FBXW4: variants seen among roughly 807,000 people sequenced by gnomAD.
The protein encoded by FBXW4 is F-box/WD repeat-containing protein 4.
Under a neutral mutation model 61.8 loss-of-function variants are expected in FBXW4, and 40 were observed. That is an observed-to-expected ratio of 0.65 (90% CI 0.50 to 0.84). The LOEUF is 0.84. Ranked by LOEUF, FBXW4 falls within the 40% of genes least tolerant of loss-of-function variation. The probability of loss-of-function intolerance (pLI) is 0.00; values close to 1 mark genes in which losing one functional copy is unlikely to be tolerated. For synonymous variants in FBXW4, 311 were observed against 313.8 expected, an observed-to-expected ratio of 0.99 and a Z score of 0.10; for missense variants, 672 against 753.8, an observed-to-expected ratio of 0.89 and a Z score of 1.27.
intron 1 of FBXW4, among the ~76,000 whole-genome samples, chr10:101,690,728 A>G (rs1405985137): frequency 2.6e-5 from 4 of 152,216 alleles, no homozygotes; most frequent in African/African-American, 9.7e-5. Flanking sequence ...TGTTTCTGAG[A>G]ATCAAGAGGC....
chr10:101,645,260 T>A (rs1218978628), intron 5 of FBXW4, among the ~76,000 whole-genome samples: 1 of 152,178 alleles, frequency 6.6e-6, no homozygotes, highest in African/African-American at 2.4e-5. Flanking sequence ...TGGAACAGCC[T>A]CTTCTTTTTG....
At chr10:101,629,433 AC>A (rs1414706542) in intron 5 of FBXW4, among the ~76,000 whole-genome samples, 3 of 151,948 alleles carry the variant, frequency 2.0e-5, no homozygotes, top group African/African-American at 7.3e-5. Flanking sequence ...ACAGGTGCGC[AC>A]CACCACGCCT....
Position 101,678,618 on chromosome 10 carries a change from C to T in FBXW4, c.726-2182G>A, listed in dbSNP as rs376147845. Among the ~76,000 whole-genome samples the T allele has an allele frequency of 1.1e-4, 16 of 152,190 alleles. No individual in the cohort carries two copies. The South Asian group carries it at 3.3e-3, about 32-fold the overall frequency. ...TTTTTTTTACTGTTTTTAGTAGAGA[C>T]GGGGTTTCACCGTGTTAGCCAGGAT... On this transcript the variant is annotated intron_variant, in intron 1 of 8. Coordinates refer to ENST00000331272, the MANE Select transcript of FBXW4 (RefSeq NM_022039.4).
chr10:101,635,429 C>A (rs1397053136), intron 5 of FBXW4, among the ~76,000 whole-genome samples: 1 of 150,800 alleles, frequency 6.6e-6, no homozygotes, highest in Non-Finnish European at 1.5e-5. Context: ...CCCTCCCACC[C>A]CCGAGGCTAT....
chr10:101,694,924 C>T lies in FBXW4; in HGVS notation c.182G>A (p.Gly61Glu). 8.1e-7 allele frequency: 1 copy of T among 1,240,188 alleles called. No homozygotes were observed. The highest frequency in any genetic ancestry group is 1.0e-6 in the Non-Finnish European group (1 of 992,730). 76.8% of individuals were successfully genotyped at this position (1,240,188 alleles called of 1,614,324 possible). ...GRGSGAEGKP[G>E]PQTAKEAAGP... ...GGCTGCCTCCTTCGCCGTCTGCGGC[C>T]CGGGCTTCCCTTCCGCCCCGCTTCC... is the stretch of plus-strand genomic sequence containing the variant. Residue 61 changes from glycine to glutamate, a missense_variant, in exon 1 of 9, where the codon GGG becomes GAG. Gly to Glu is a moderately conservative substitution (Grantham distance 98). This residue lies in a region of FBXW4 where 311 missense variants were observed against 301.1 expected (regional missense o/e 1.03). Transcript: ENST00000331272. The surrounding 1 kb of genome is among the most constrained non-coding windows in gnomAD (Gnocchi z 6.0).
chr10:101,659,156 G>A (rs1227579601), intron 5 of FBXW4, among the ~76,000 whole-genome samples: 1 of 152,120 alleles, frequency 6.6e-6, no homozygotes, highest in Non-Finnish European at 1.5e-5. Flanking sequence ...GGAGGGGCCT[G>A]GACACCAGCA....
chr10:101,671,322 A>G (rs2064356599), intron 4 of FBXW4, among the ~76,000 whole-genome samples: 1 of 152,232 alleles, frequency 6.6e-6, no homozygotes, highest in Non-Finnish European at 1.5e-5. Flanking sequence ...TCACTGACCT[A>G]AAAGAAATCC....
chr10:101,617,217 A>C (rs2063831994), intron 6 of FBXW4, among the ~76,000 whole-genome samples: 1 of 152,186 alleles, frequency 6.6e-6, no homozygotes, highest in Non-Finnish European at 1.5e-5. Context: ...TACAGATGAG[A>C]AAATGAAGGC....
rs1284190800 is a variant in FBXW4 at position 101,611,604 on chromosome 10, A to C, written c.1584+24T>G. On this transcript the variant is annotated intron_variant, in intron 8 of 8. Coordinates refer to ENST00000331272, the MANE Select transcript of FBXW4 (RefSeq NM_022039.4). The surrounding 1 kb of genome is among the most constrained non-coding windows in gnomAD (Gnocchi z 4.9). ...ATAATCATGAGTCCTGGCATGCTGG[A>C]GAAGAGGTGGGCAGGACACTTACGT... The C allele has an allele frequency of 6.2e-7, 1 of 1,612,482 alleles. No individual in the cohort carries two copies. The highest frequency in any genetic ancestry group is 1.1e-5 in the South Asian group (1 of 90,978).
At chr10:101,632,816 C>T in intron 5 of FBXW4, among the ~76,000 whole-genome samples, 1 of 152,160 alleles carries the variant, frequency 6.6e-6, no homozygotes, top group East Asian at 1.9e-4. Context: ...CCGGTTCAGA[C>T]TTCCTGAGAA....
intron 5 of FBXW4, chr10:101,628,039 A>G: frequency 1.1e-6 from 1 of 946,978 alleles, no homozygotes; most frequent in Non-Finnish European, 1.3e-6. Flanking sequence ...CACATCCCTC[A>G]CGGTGCTGGC....
At chr10:101,695,293 A>C, upstream of FBXW4, 1 of 707,208 alleles carries the variant, frequency 1.4e-6, no homozygotes, top group Non-Finnish European at 1.7e-6. This position sits in a 1 kb window ranked among gnomAD's most constrained non-coding sequence, Gnocchi z 4.2. Context: ...CGCTGACACC[A>C]CCCCCGCATC....
At position 101,611,888 on chromosome 10, in the gene FBXW4, AAG is replaced by A; in HGVS notation, c.1443-121_1443-120del. The stretch of plus-strand genomic sequence containing the variant: ...AGGAGCCATTCCGGGATGGAAGAGA[AAG>A]AAGCCTAAATCATCAGATTCATCAA... On this transcript the variant is annotated intron_variant, in intron 7 of 8. Coordinates refer to ENST00000331272, the MANE Select transcript of FBXW4 (RefSeq NM_022039.4). The surrounding 1 kb of genome is among the most constrained non-coding windows in gnomAD (Gnocchi z 4.9). 1 of 1,210,744 alleles carries A rather than the reference AAG, an allele frequency of 8.3e-7. No individual in the cohort carries two copies. The highest frequency in any genetic ancestry group is 1.5e-5 in the African/African-American group (1 of 65,556). The allele number at this position is 1,210,744 out of a possible 1,614,324, so 75.0% of individuals were successfully genotyped here. A position where few individuals can be genotyped will look rare whatever the true frequency, so the allele number is the denominator to read the frequency against.
intron 5 of FBXW4, among the ~76,000 whole-genome samples, chr10:101,632,388 C>A (rs9651450): frequency 6.6e-6 from 1 of 151,898 alleles, no homozygotes; most frequent in Admixed American, 6.5e-5. Flanking sequence ...AGGGTTTCTG[C>A]GGAGGAGTGC....
chr10:101,614,852 G>A (rs1304522842), intron 6 of FBXW4, among the ~76,000 whole-genome samples: 2 of 152,006 alleles, frequency 1.3e-5, no homozygotes, highest in Non-Finnish European at 2.9e-5. Context: ...GCCCTGCTGG[G>A]GCTTTGATTT....
intron 5 of FBXW4, among the ~76,000 whole-genome samples, chr10:101,653,752 G>A (rs192059014): frequency 5.9e-5 from 9 of 152,150 alleles, no homozygotes; most frequent in South Asian, 4.1e-4. Context: ...GCTCCTACAC[G>A]GTAAAAACAA....
chr10:101,689,631 T>C (rs1374050715), intron 1 of FBXW4, among the ~76,000 whole-genome samples: 1 of 152,222 alleles, frequency 6.6e-6, no homozygotes, highest in Admixed American at 6.5e-5. Flanking sequence ...TTAATTGTTT[T>C]CTGAAGATCA....
intron 5 of FBXW4, among the ~76,000 whole-genome samples, chr10:101,649,016 G>C (rs1430717222): frequency 6.6e-6 from 1 of 152,126 alleles, no homozygotes; most frequent in African/African-American, 2.4e-5. Context: ...AAGTTACCAA[G>C]AGCAATTCCT....
chr10:101,665,084 T>C (rs2134881184), intron 5 of FBXW4, among the ~76,000 whole-genome samples: 1 of 152,226 alleles, frequency 6.6e-6, no homozygotes, highest in East Asian at 1.9e-4. Context: ...CTCTCAAGAC[T>C]GAGAAAATGG....
Sources: gnomAD v4.1 joint callset for allele counts (sites outside exome capture counted in the v4.1 genomes callset) on GRCh38, gnomAD v4.1.1 for gene constraint, gnomAD v4.1.1 regional missense constraint, Gnocchi (gnomAD v3.1) non-coding constraint, MANE v1.5 for transcripts, NCBI Gene and HGNC (gene_info 2026-07-23, HGNC 2026-07-21) for gene names.